The following CRADD variants were observed in gnomAD, a reference collection of about 807,000 sequenced individuals.
CRADD encodes the protein CARD and death domain containing adaptor protein.
Under a neutral mutation model 15.5 loss-of-function variants are expected in CRADD, and 9 were observed. The observed-to-expected ratio is 0.58, with a 90% CI of 0.35 to 1.01. The LOEUF (loss-of-function observed/expected upper bound fraction) is 1.01, where lower values mean the gene tolerates loss of function less well. CRADD is among the 50% of genes least tolerant of loss of function. CRADD has a pLI of 0.02. For synonymous variants in CRADD, 118 were observed against 107.6 expected (o/e 1.10, Z -0.60); for missense variants, 227 against 250.3 (o/e 0.91, Z 0.63).
intron 2 of CRADD, among the ~76,000 whole-genome samples, chr12:93,681,734 C>A (rs147832141): frequency 6.6e-6 from 1 of 152,186 alleles, no homozygotes; most frequent in Non-Finnish European, 1.5e-5. Context: ...CCAACCCCCA[C>A]GCAGTGAAAA....
intron 2 of CRADD, among the ~76,000 whole-genome samples, chr12:93,774,223 T>C (rs1345272425): frequency 6.6e-6 from 1 of 152,200 alleles, no homozygotes; most frequent in Non-Finnish European, 1.5e-5. Context: ...AGTCCATCAC[T>C]ATGTAGTTCA....
intron 2 of CRADD, among the ~76,000 whole-genome samples, chr12:93,868,220 A>G (rs538873527): frequency 1.3e-5 from 2 of 152,336 alleles, no homozygotes; most frequent in South Asian, 2.1e-4. Context: ...ATTGCTTGTA[A>G]TAACGAAAAC....
rs972814944 is a variant in CRADD, at chr12:93,677,454, A to T, written c.-25A>T. On this transcript the variant is annotated 5_prime_UTR_variant, in exon 1 of 3. Transcript: ENST00000332896. ...GTTGCAGTTTTTCTCCCCCGCCCCA[A>T]AGATACGTGGTTGCAGACGTAAGTA... 6.6e-6 allele frequency: 1 copy of T among 152,236 alleles called. No homozygotes were observed. The highest frequency in any genetic ancestry group is 2.4e-5 in the African/African-American group (1 of 41,452). The allele number at this position is 152,236 out of a possible 1,614,324, so 9.4% of individuals were successfully genotyped here. A position where few individuals can be genotyped will look rare whatever the true frequency, so the allele number is the denominator to read the frequency against.
intron 2 of CRADD, among the ~76,000 whole-genome samples, chr12:93,686,963 G>T (rs1955454907): frequency 6.6e-6 from 1 of 151,646 alleles, no homozygotes; most frequent in Non-Finnish European, 1.5e-5. Flanking sequence ...GCCTTTAGAG[G>T]TATGCTGGAA....
chr12:93,763,891 G>A (rs947976226), intron 2 of CRADD, among the ~76,000 whole-genome samples: 1 of 152,192 alleles, frequency 6.6e-6, no homozygotes, highest in African/African-American at 2.4e-5. Context: ...GTTCATCAGT[G>A]TCTGCTGCCG....
At chr12:93,816,150 A>T (rs1455829051) in intron 2 of CRADD, 1 of 152,270 alleles carries the variant, frequency 6.6e-6, no homozygotes, top group African/African-American at 2.4e-5. Flanking sequence ...TATTCAAAGT[A>T]TTATTATTTC....
chr12:93,756,827 C>T (rs1297111614), intron 2 of CRADD, among the ~76,000 whole-genome samples: 1 of 152,174 alleles, frequency 6.6e-6, no homozygotes, highest in Admixed American at 6.5e-5. Flanking sequence ...CAGTGCAGGA[C>T]ACACAACCTC....
At chr12:93,865,119 AGTAGTAGAT>A (rs1005784959) in intron 2 of CRADD, among the ~76,000 whole-genome samples, 1 of 152,200 alleles carries the variant, frequency 6.6e-6, no homozygotes. Flanking sequence ...TCCCAGGAGT[AGTAGTAGAT>A]GCTAAAGTAA....
At chr12:93,827,280 G>A (rs1957834790) in intron 2 of CRADD, among the ~76,000 whole-genome samples, 1 of 152,074 alleles carries the variant, frequency 6.6e-6, no homozygotes, top group African/African-American at 2.4e-5. Context: ...TTATGTGTTG[G>A]TTTCATTTCC....
At chr12:93,829,144 G>A (rs1196079068) in intron 2 of CRADD, among the ~76,000 whole-genome samples, 1 of 136,340 alleles carries the variant, frequency 7.3e-6, no homozygotes, top group Admixed American at 7.5e-5. Context: ...TTTTTTCAAT[G>A]TCATTCCAGA....
intron 2 of CRADD, among the ~76,000 whole-genome samples, chr12:93,799,169 T>C (rs959543642): frequency 2.0e-5 from 3 of 152,210 alleles, no homozygotes; most frequent in African/African-American, 4.8e-5. Flanking sequence ...AATCCAAAAA[T>C]TCTATGAGAA....
chr12:93,696,475 C>G (rs1370493682), intron 2 of CRADD, among the ~76,000 whole-genome samples: 1 of 152,002 alleles, frequency 6.6e-6, no homozygotes, highest in African/African-American at 2.4e-5. Context: ...TGAAGTGAAA[C>G]AAGGCACAAA....
chr12:93,685,059 T>G (rs1955400584), intron 2 of CRADD, among the ~76,000 whole-genome samples: 1 of 152,228 alleles, frequency 6.6e-6, no homozygotes, highest in South Asian at 2.1e-4. Context: ...GTTATTTCCT[T>G]TCTATTTCTG....
At chr12:93,885,280 T>C (rs1318174812) in intron 2 of CRADD, among the ~76,000 whole-genome samples, 1 of 152,218 alleles carries the variant, frequency 6.6e-6, no homozygotes, top group East Asian at 1.9e-4. Flanking sequence ...TTTTAGGCAT[T>C]TCTTCTATGT....
intron 2 of CRADD, among the ~76,000 whole-genome samples, chr12:93,730,188 G>A (rs1050704191): frequency 2.6e-5 from 4 of 152,218 alleles, no homozygotes; most frequent in South Asian, 2.1e-4. Flanking sequence ...AATTTAGGGA[G>A]CTAAAGCAGC....
At chr12:93,894,332 C>T in exon 3 of CRADD, 1 of 578,178 alleles carries the variant, frequency 1.7e-6, no homozygotes, top group Non-Finnish European at 3.1e-6. Context: ...TGCTGCTAAA[C>T]CTACAATGCT....
At chr12:93,823,245 T>C (rs1478919062) in intron 2 of CRADD, among the ~76,000 whole-genome samples, 4 of 151,274 alleles carry the variant, frequency 2.6e-5, no homozygotes, top group Admixed American at 2.0e-4. Context: ...TGAGCCAAGA[T>C]TGTGCCAGTG....
chr12:93,774,000 A>T (rs1310124858), intron 2 of CRADD, among the ~76,000 whole-genome samples: 3 of 131,828 alleles, frequency 2.3e-5, no homozygotes, highest in Non-Finnish European at 3.2e-5. Context: ...CACCTGGCTA[A>T]TTTTTTTTTT....
chr12:93,789,002 T>C (rs1957318275), intron 2 of CRADD, among the ~76,000 whole-genome samples: 2 of 152,162 alleles, frequency 1.3e-5, no homozygotes, highest in Admixed American at 1.3e-4. Flanking sequence ...GCTCTTTTTC[T>C]GTGTGCATTA....
Sources: allele counts gnomAD v4.1 joint callset (sites outside exome capture counted in the v4.1 genomes callset), GRCh38; gene constraint gnomAD v4.1.1; transcripts MANE v1.5; gene names NCBI Gene and HGNC (gene_info 2026-07-23, HGNC 2026-07-21).